The following ARHGEF10 variants were observed in gnomAD, a reference collection of about 807,000 sequenced individuals.
The protein encoded by ARHGEF10 is Rho guanine nucleotide exchange factor (GEF) 10.
In ARHGEF10, 140 loss-of-function variants were observed where a neutral mutation model predicts 147.4. The observed-to-expected ratio is 0.95, with a 90% CI of 0.83 to 1.09. ARHGEF10 has a LOEUF of 1.09. Ranked by LOEUF, ARHGEF10 falls within the 50% of genes least tolerant of loss-of-function variation. ARHGEF10 has a pLI of 0.00. For synonymous variants in ARHGEF10, 902 were observed against 695.8 expected (o/e 1.30, Z -4.67); for missense variants, 2,222 against 1,752.7 (o/e 1.27, Z -4.78).
In ARHGEF10 at chr8:1,925,413, A is replaced by C; in HGVS notation, c.2610+9A>C. On this transcript the variant is annotated intron_variant, in intron 22 of 28. Transcript: ENST00000349830. ...AGCAGCAGGAGTTCAAGGTGAAGGG[A>C]GGCAGGGCCCGCGGCCCGGGGTGGG... 3 of 1,613,800 alleles carry C rather than the reference A, an allele frequency of 1.9e-6. No individual in the cohort carries two copies. The highest frequency in any genetic ancestry group is 1.7e-4 in the Middle Eastern group (1 of 5,938).
chr8:1,888,154 C>CGAGGGTTGCGAGGAGACACTTAGTGGGGT (rs1808891409), intron 11 of ARHGEF10, among the ~76,000 whole-genome samples: 1 of 30,416 alleles, frequency 3.3e-5, no homozygotes, highest in African/African-American at 1.7e-4. Flanking sequence ...CTTAGTGGGG[C>CGAGGGTTGCGAGGAGACACTTAGTGGGGT]GAGGGTTGCG....
At chr8:1,886,262 G>T (rs1160783033) in intron 11 of ARHGEF10, among the ~76,000 whole-genome samples, 4 of 152,240 alleles carry the variant, frequency 2.6e-5, no homozygotes, top group African/African-American at 4.8e-5. Flanking sequence ...CACCAAGTTT[G>T]CAGGCCTTTA....
At chr8:1,887,033 C>T (rs1048086922) in intron 11 of ARHGEF10, among the ~76,000 whole-genome samples, 1 of 152,180 alleles carries the variant, frequency 6.6e-6, no homozygotes, top group Non-Finnish European at 1.5e-5. Context: ...GGGTTCATGG[C>T]TGAACACCTT....
intron 2 of ARHGEF10, among the ~76,000 whole-genome samples, chr8:1,857,476 A>G (rs1347081569): frequency 8.7e-5 from 13 of 149,696 alleles, no homozygotes; most frequent in Non-Finnish European, 5.9e-5. Flanking sequence ...CTGGAGTGCA[A>G]TGGTGCAATC....
At chr8:1,878,399 C>T (rs1585363647) in intron 8 of ARHGEF10, among the ~76,000 whole-genome samples, 1 of 152,108 alleles carries the variant, frequency 6.6e-6, no homozygotes, top group East Asian at 1.9e-4. Flanking sequence ...ATTGGCCAGG[C>T]TGGTCTCGAA....
At chr8:1,878,983 A>G (rs966608576) in intron 8 of ARHGEF10, among the ~76,000 whole-genome samples, 1 of 152,206 alleles carries the variant, frequency 6.6e-6, no homozygotes, top group Non-Finnish European at 1.5e-5. Context: ...GGGTGCAGAC[A>G]GGGCGCCCGT....
At position 1,824,514 on chromosome 8, in the gene ARHGEF10, G is replaced by T. The variant is rs115967533; in HGVS notation, c.-48+401G>T. 7.9e-3 allele frequency among the ~76,000 whole-genome samples: 1,206 copies of T among 151,854 alleles called. 21 individuals carry two copies. The highest frequency in any genetic ancestry group is 0.028 in the African/African-American group (1,163 of 41,332). ...CCGCCTCAGGATGCAGAGAAGGACCGGTGTAAGGAAAGCCGGCGTCTTTCC... is the reference window on the plus strand; with the variant it reads ...CCGCCTCAGGATGCAGAGAAGGACCTGTGTAAGGAAAGCCGGCGTCTTTCC... On this transcript the variant is annotated intron_variant, in intron 1 of 28. Transcript: ENST00000349830.
At chr8:1,827,571 G>A (rs1363433767) in intron 1 of ARHGEF10, among the ~76,000 whole-genome samples, 2 of 152,176 alleles carry the variant, frequency 1.3e-5, no homozygotes, top group African/African-American at 4.8e-5. Flanking sequence ...CTCCCAAAGC[G>A]CTGGGATTAC....
rs1814769593 is a variant in ARHGEF10, at chr8:1,948,475, C to T, written c.3397+2820C>T. ...TGGGGTACACTGACTGCTTTACCCA[C>T]ATTCAGTTCTCTGCTCCCAGGCTGT... is the stretch of plus-strand genomic sequence containing the variant. On this transcript the variant is annotated intron_variant, in intron 27 of 28. Transcript: ENST00000349830. This position sits in a 1 kb window ranked among gnomAD's most constrained non-coding sequence, Gnocchi z 4.9. Among the ~76,000 whole-genome samples, 1 of 152,220 alleles carries T rather than the reference C, an allele frequency of 6.6e-6. No homozygotes were observed. The highest frequency in any genetic ancestry group is 1.5e-5 in the Non-Finnish European group (1 of 68,038).
At chr8:1,911,576 G>A (rs1052073583) in intron 18 of ARHGEF10, among the ~76,000 whole-genome samples, 3 of 152,324 alleles carry the variant, frequency 2.0e-5, no homozygotes, top group African/African-American at 7.2e-5. Flanking sequence ...CATTTACAGA[G>A]AAGGTGAAAG....
intron 15 of ARHGEF10, among the ~76,000 whole-genome samples, chr8:1,900,042 G>A (rs1810328446): frequency 6.6e-6 from 1 of 152,140 alleles, no homozygotes; most frequent in Non-Finnish European, 1.5e-5. Context: ...TGTGTTGTGA[G>A]GTCACACACG....
chr8:1,842,527 A>C (rs992300948), intron 1 of ARHGEF10, among the ~76,000 whole-genome samples: 1 of 152,182 alleles, frequency 6.6e-6, no homozygotes, highest in Non-Finnish European at 1.5e-5. Flanking sequence ...ACACTCAGGG[A>C]CCATGCCCCC....
chr8:1,908,693 C>T (rs1019728623), intron 17 of ARHGEF10, among the ~76,000 whole-genome samples: 1 of 152,068 alleles, frequency 6.6e-6, no homozygotes, highest in East Asian at 1.9e-4. Context: ...GATGTTGGCG[C>T]AGGTCGTTTC....
intron 12 of ARHGEF10, 60 bp downstream of exon 12, chr8:1,893,706 C>T: frequency 1.5e-6 from 2 of 1,297,282 alleles, no homozygotes; most frequent in East Asian, 2.3e-5. Context: ...TACCTATATA[C>T]ATTTTGATCC....
intron 24 of ARHGEF10, among the ~76,000 whole-genome samples, chr8:1,928,977 A>G (rs1310494971): frequency 6.6e-6 from 1 of 152,232 alleles, no homozygotes; most frequent in African/African-American, 2.4e-5. Flanking sequence ...AAACAGCCAT[A>G]TTCTATGTCA....
chr8:1,826,372 ATG>A (rs919771464), intron 1 of ARHGEF10, among the ~76,000 whole-genome samples: 8 of 151,298 alleles, frequency 5.3e-5, no homozygotes, highest in African/African-American at 1.9e-4. Flanking sequence ...GTTTGTATGC[ATG>A]TGTGTGCGTT....
chr8:1,841,231 G>C (rs184654845), intron 1 of ARHGEF10, among the ~76,000 whole-genome samples: 211 of 150,534 alleles, frequency 1.4e-3, no homozygotes, highest in Non-Finnish European at 3.7e-4. Flanking sequence ...GAGTTGCGCT[G>C]GCGAGGTGGA....
intron 14 of ARHGEF10, among the ~76,000 whole-genome samples, chr8:1,896,929 G>C (rs1325135140): frequency 6.6e-6 from 1 of 152,198 alleles, no homozygotes; most frequent in African/African-American, 2.4e-5. Context: ...TCTCTGACCT[G>C]GCAGTGATGG....
intron 10 of ARHGEF10, among the ~76,000 whole-genome samples, chr8:1,884,180 T>A (rs1317019462): frequency 6.6e-6 from 1 of 151,956 alleles, no homozygotes; most frequent in African/African-American, 2.4e-5. Context: ...GATCACGAGG[T>A]CAGGAGATCA....
Sources: gnomAD v4.1 joint callset for allele counts (sites outside exome capture counted in the v4.1 genomes callset) on GRCh38, gnomAD v4.1.1 for gene constraint, Gnocchi (gnomAD v3.1) non-coding constraint, MANE v1.5 for transcripts, NCBI Gene and HGNC (gene_info 2026-07-23, HGNC 2026-07-21) for gene names.